The following SLC17A1 variants were observed in gnomAD, a reference collection of about 807,000 sequenced individuals.
SLC17A1 encodes the protein solute carrier family 17 member 1, also known as sodium-dependent phosphate transport protein 1.
In SLC17A1, 51 loss-of-function variants were observed where a neutral mutation model predicts 53.5. The ratio of observed to expected loss-of-function variants is 0.95; its 90% CI spans 0.76 to 1.20. SLC17A1 has a LOEUF of 1.20. SLC17A1 is among the 50% of genes most tolerant of loss of function. The pLI is 0.00. For missense variants in SLC17A1, 538 were observed against 568.2 expected (o/e 0.95, Z 0.54); for synonymous variants, 179 against 198.8 (o/e 0.90, Z 0.84).
the SLC17A1 span, among the ~76,000 whole-genome samples, chr6:25,759,783 T>G: frequency 6.6e-6 from 1 of 150,514 alleles, no homozygotes; most frequent in African/African-American, 2.5e-5. Flanking sequence ...TAGGTGAATC[T>G]CTTGAAGACT....
At chr6:25,762,878 A>G in the SLC17A1 span, among the ~76,000 whole-genome samples, 2 of 152,194 alleles carry the variant, frequency 1.3e-5, no homozygotes, top group Non-Finnish European at 2.9e-5. Context: ...AGTCTACTAG[A>G]CTATACCATT....
the SLC17A1 span, chr6:25,726,232 C>G: frequency 6.2e-7 from 1 of 1,613,474 alleles, no homozygotes; most frequent in Non-Finnish European, 8.5e-7. Context: ...GGTCACGCCG[C>G]CCAAAAGCTT....
chr6:25,753,830 A>G, the SLC17A1 span, among the ~76,000 whole-genome samples: 1 of 152,046 alleles, frequency 6.6e-6, no homozygotes, highest in Non-Finnish European at 1.5e-5. Context: ...AAGAGGTCAG[A>G]ATTGGGTGTG....
At chr6:25,773,679 G>A in the SLC17A1 span, 19 of 1,611,730 alleles carry the variant, frequency 1.2e-5, no homozygotes, top group Admixed American at 3.4e-5. Context: ...AGAGATGTAA[G>A]TACAGAGAAA....
chr6:25,805,668 A>G (rs1391842126), intron 10 of SLC17A1, among the ~76,000 whole-genome samples: 1 of 152,090 alleles, frequency 6.6e-6, no homozygotes, highest in African/African-American at 2.4e-5. Flanking sequence ...AAACACAATT[A>G]GAAATGAAAT....
At chr6:25,770,382 A>T in the SLC17A1 span, 2 of 1,613,972 alleles carry the variant, frequency 1.2e-6, no homozygotes, top group Non-Finnish European at 8.5e-7. Context: ...TTTTCCCCCC[A>T]GGTTATGGTA....
the SLC17A1 span, chr6:25,770,869 A>T: frequency 2.2e-6 from 3 of 1,344,068 alleles, no homozygotes; most frequent in Non-Finnish European, 3.2e-6. Context: ...TGTAGAAAGC[A>T]CATAGAGCCC....
downstream of SLC17A1, chr6:25,778,157 A>C (rs917967648): frequency 1.2e-5 from 7 of 599,496 alleles, no homozygotes; most frequent in Non-Finnish European, 2.0e-5. Flanking sequence ...CTTAAGAATT[A>C]AAGAAACTTA....
intron 3 of SLC17A1, among the ~76,000 whole-genome samples, chr6:25,820,130 C>A (rs975547397): frequency 2.0e-5 from 3 of 152,162 alleles, no homozygotes; most frequent in African/African-American, 7.2e-5. Flanking sequence ...TCCTCACAGC[C>A]AAGGACACCA....
chr6:25,786,748 C>T (rs1763391392), intron 12 of SLC17A1, among the ~76,000 whole-genome samples: 2 of 152,118 alleles, frequency 1.3e-5, no homozygotes, highest in Admixed American at 6.5e-5. Flanking sequence ...CCTGCTTCCC[C>T]TCCTTTCTCT....
rs534867147 is a variant in SLC17A1, at chr6:25,787,092, G to C, written c.*3-3874C>G. ...AATAAATAAGAGTGTGGGGTATAGT[G>C]GGGGTGGGATAACCTAGATTTAAAA... On this transcript the variant is annotated intron_variant, in intron 12 of 12. Coordinates refer to ENST00000244527, the MANE Select transcript of SLC17A1 (RefSeq NM_005074.5). Among the ~76,000 whole-genome samples, 6 of 152,120 alleles carry C rather than the reference G, an allele frequency of 3.9e-5. No individual in the cohort carries two copies. In the South Asian group the frequency reaches 1.2e-3, roughly 32 times the overall value.
chr6:25,740,553 C>T, the SLC17A1 span, among the ~76,000 whole-genome samples: 1 of 152,042 alleles, frequency 6.6e-6, no homozygotes, highest in East Asian at 1.9e-4. Flanking sequence ...AAAATTTAAC[C>T]ACCAAAGAAT....
the SLC17A1 span, chr6:25,726,790 G>C: frequency 7.7e-7 from 1 of 1,302,100 alleles, no homozygotes; most frequent in East Asian, 2.3e-5. Flanking sequence ...TGTTTACTTG[G>C]CGAGACTTGG....
chr6:25,784,502 ACT>A (rs1581442904), intron 12 of SLC17A1, among the ~76,000 whole-genome samples: 1 of 152,120 alleles, frequency 6.6e-6, no homozygotes, highest in East Asian at 1.9e-4. Context: ...GGTACCACAC[ACT>A]GTTATACAAC....
At chr6:25,740,553 C>A in the SLC17A1 span, among the ~76,000 whole-genome samples, 4 of 152,042 alleles carry the variant, frequency 2.6e-5, no homozygotes, top group South Asian at 8.3e-4. Flanking sequence ...AAAATTTAAC[C>A]ACCAAAGAAT....
intron 12 of SLC17A1, among the ~76,000 whole-genome samples, chr6:25,792,529 G>C (rs1267913700): frequency 6.6e-6 from 1 of 152,144 alleles, no homozygotes; most frequent in Non-Finnish European, 1.5e-5. Context: ...CCCCCATCAG[G>C]ATCATGCTGA....
intron 12 of SLC17A1, among the ~76,000 whole-genome samples, chr6:25,793,857 T>C (rs532984664): frequency 6.6e-6 from 1 of 152,264 alleles, no homozygotes; most frequent in South Asian, 2.1e-4. Context: ...AAATCACAGG[T>C]ATTTTCCTAT....
the SLC17A1 span, among the ~76,000 whole-genome samples, chr6:25,729,487 G>A: frequency 1.3e-5 from 2 of 152,176 alleles, no homozygotes; most frequent in Admixed American, 6.5e-5. Context: ...AGCAAGAGGA[G>A]TCTTCCCAGA....
At chr6:25,802,210 G>A (rs72843536) in intron 10 of SLC17A1, among the ~76,000 whole-genome samples, 17,908 of 152,036 alleles carry the variant, frequency 0.12, 1,306 homozygotes, top group South Asian at 0.19. Context: ...TTCCACCTAC[G>A]AGTTTGTTTT....
Sources: gnomAD v4.1 joint callset for allele counts (sites outside exome capture counted in the v4.1 genomes callset) on GRCh38, gnomAD v4.1.1 for gene constraint, MANE v1.5 for transcripts, NCBI Gene and HGNC (gene_info 2026-07-23, HGNC 2026-07-21) for gene names.